GRB10: variants seen among roughly 807,000 people sequenced by gnomAD.
GRB10 encodes growth factor receptor bound protein 10, also known as growth factor receptor-bound protein 10.
Under a neutral mutation model 80.9 loss-of-function variants are expected in GRB10, and 20 were observed. The ratio of observed to expected loss-of-function variants is 0.25; its 90% CI spans 0.17 to 0.36. GRB10 has a LOEUF of 0.36. Ranked by LOEUF, GRB10 falls within the 10% of genes least tolerant of loss-of-function variation. The pLI is 1.00. For synonymous variants in GRB10, 291 were observed against 291.5 expected (o/e 1.00, Z 0.02); for missense variants, 548 against 747.7 (o/e 0.73, Z 3.12).
chr7:50,618,784 C>T (rs2051111747), intron 9 of GRB10, among the ~76,000 whole-genome samples: 1 of 152,252 alleles, frequency 6.6e-6, no homozygotes, highest in Non-Finnish European at 1.5e-5. Flanking sequence ...AGTCATTCTT[C>T]CACGTATGAT....
intron 5 of GRB10, among the ~76,000 whole-genome samples, chr7:50,693,206 T>G (rs2063035886): frequency 1.3e-5 from 2 of 152,170 alleles, no homozygotes; most frequent in Admixed American, 1.3e-4. Context: ...TTGCTAAGAA[T>G]GGCTTCTTGG....
intron 5 of GRB10, among the ~76,000 whole-genome samples, chr7:50,685,916 T>C (rs2062052361): frequency 6.6e-6 from 1 of 151,964 alleles, no homozygotes; most frequent in Admixed American, 6.6e-5. Context: ...AACAGGACAC[T>C]CCAGATGGGC....
chr7:50,658,780 C>T (rs541390441), intron 7 of GRB10, among the ~76,000 whole-genome samples: 1 of 152,374 alleles, frequency 6.6e-6, no homozygotes, highest in Non-Finnish European at 1.5e-5. Context: ...GATTCCTGCA[C>T]TGATTTCCTG....
chr7:50,741,551 TAAAAA>T (rs752078809), intron 3 of GRB10, among the ~76,000 whole-genome samples: 1 of 116,930 alleles, frequency 8.6e-6, no homozygotes, highest in African/African-American at 3.4e-5. Flanking sequence ...AACATGTGTT[TAAAAA>T]AAAAAAAAAA....
intron 4 of GRB10, among the ~76,000 whole-genome samples, chr7:50,718,826 C>A (rs578055615): frequency 6.6e-6 from 1 of 152,224 alleles, no homozygotes; most frequent in South Asian, 2.1e-4. Context: ...AGGGGTCCTG[C>A]AATTACTGTC....
At chr7:50,687,827 C>T (rs2062290902) in intron 5 of GRB10, among the ~76,000 whole-genome samples, 1 of 152,198 alleles carries the variant, frequency 6.6e-6, no homozygotes, top group African/African-American at 2.4e-5. Flanking sequence ...TTTCTATTTC[C>T]AAATGGAAGG....
intron 4 of GRB10, among the ~76,000 whole-genome samples, chr7:50,730,352 T>G (rs964826602): frequency 6.6e-6 from 1 of 152,092 alleles, no homozygotes; most frequent in Non-Finnish European, 1.5e-5. Context: ...AATTAGAAAA[T>G]TATTTGTATG....
chr7:50,746,805 C>G (rs2153699025), intron 3 of GRB10, among the ~76,000 whole-genome samples: 1 of 152,266 alleles, frequency 6.6e-6, no homozygotes, highest in East Asian at 1.9e-4. Context: ...GGCCTCCAGT[C>G]CCCAGGGCTC....
intron 8 of GRB10, among the ~76,000 whole-genome samples, chr7:50,625,725 C>A (rs554059243): frequency 1.1e-4 from 17 of 152,372 alleles, no homozygotes; most frequent in African/African-American, 4.1e-4. Flanking sequence ...AGCAAGAGTT[C>A]TATCCAATTC....
intron 1 of GRB10, chr7:50,793,138 G>A (rs2079007725): frequency 1.4e-5 from 2 of 143,686 alleles, no homozygotes; most frequent in Admixed American, 6.8e-5. Context: ...CAATGACGGC[G>A]CGGGGACCCG....
At chr7:50,752,799 A>T (rs1157414487) in intron 3 of GRB10, among the ~76,000 whole-genome samples, 2 of 152,154 alleles carry the variant, frequency 1.3e-5, no homozygotes, top group African/African-American at 2.4e-5. Flanking sequence ...GAGTTTGGGG[A>T]TGTGATGCTT....
chr7:50,717,983 C>T (rs1194171325), intron 4 of GRB10, among the ~76,000 whole-genome samples: 1 of 152,252 alleles, frequency 6.6e-6, no homozygotes, highest in East Asian at 1.9e-4. Flanking sequence ...GGCAGAGACT[C>T]CTCTGTCACT....
intron 7 of GRB10, among the ~76,000 whole-genome samples, chr7:50,657,831 C>T (rs2058801348): frequency 6.6e-6 from 1 of 152,228 alleles, no homozygotes; most frequent in African/African-American, 2.4e-5. Context: ...TTACCAAATT[C>T]TCTTGTGAAT....
intron 3 of GRB10, among the ~76,000 whole-genome samples, chr7:50,755,597 C>T (rs144444080): frequency 2.6e-5 from 4 of 152,108 alleles, no homozygotes; most frequent in African/African-American, 9.7e-5. Context: ...ACCAGTGAGG[C>T]CCAGAGGCAT....
At position 50,703,871 on chromosome 7, in the gene GRB10, G is replaced by A. The variant is rs200249565; in HGVS notation, c.89C>T (p.Pro30Leu). Reference sequence around the variant, plus strand: ...CTGTGCGGGGAGTCCTGGTCCTGCCGGGTCTTGTTGACTGCGAGGTGTCTG... The same window carrying A: ...CTGTGCGGGGAGTCCTGGTCCTGCCAGGTCTTGTTGACTGCGAGGTGTCTG... ...VEQTPRSQQD[P>L]AGPGLPAQSD... Residue 30 changes from proline (P) to leucine (L), a missense_variant, in exon 5 of 19, where the codon CCG (proline) becomes CTG (leucine). Pro to Leu is a moderately conservative substitution (Grantham distance 98). Around this residue, in one of 4 missense-constraint regions of GRB10, gnomAD observed 245 missense variants for 229.3 expected, o/e 1.07. Coordinates refer to ENST00000401949, the MANE Select transcript of GRB10 (RefSeq NM_001350814.2). 3.2e-5 allele frequency: 51 copies of A among 1,613,332 alleles called. No homozygotes were observed. Among genetic ancestry groups the A allele is most frequent in the East Asian group, 1.6e-4 (7 of 44,860 alleles).
At chr7:50,664,407 G>C (rs979308475) in intron 7 of GRB10, among the ~76,000 whole-genome samples, 2 of 152,214 alleles carry the variant, frequency 1.3e-5, no homozygotes, top group Non-Finnish European at 2.9e-5. Context: ...GTACAGCAGA[G>C]GGAGACAGTC....
intron 17 of GRB10, among the ~76,000 whole-genome samples, chr7:50,597,373 A>G (rs1286717086): frequency 6.6e-6 from 1 of 152,212 alleles, no homozygotes; most frequent in East Asian, 1.9e-4. Flanking sequence ...CGCCAGAGAG[A>G]AGACAAGGAG....
At chr7:50,637,645 A>T (rs1451608993) in intron 7 of GRB10, among the ~76,000 whole-genome samples, 3 of 152,144 alleles carry the variant, frequency 2.0e-5, no homozygotes, top group African/African-American at 7.2e-5. Flanking sequence ...TACAGATTCA[A>T]CATAATTTCT....
At chr7:50,678,053 A>G (rs2061146673) in intron 5 of GRB10, among the ~76,000 whole-genome samples, 1 of 152,122 alleles carries the variant, frequency 6.6e-6, no homozygotes, top group African/African-American at 2.4e-5. Context: ...CTCTCTATGC[A>G]TTCCTAACAG....
Sources: allele counts gnomAD v4.1 joint callset (sites outside exome capture counted in the v4.1 genomes callset), GRCh38; gene constraint gnomAD v4.1.1; regional missense constraint gnomAD v4.1.1; transcripts MANE v1.5; gene names NCBI Gene and HGNC (gene_info 2026-07-23, HGNC 2026-07-21).